SLC44A5: variants seen among roughly 807,000 people sequenced by gnomAD.
SLC44A5 encodes choline transporter-like protein 5.
In SLC44A5, 57 loss-of-function variants were observed where a neutral mutation model predicts 101.8. That is an observed-to-expected ratio of 0.56 (90% CI 0.45 to 0.70). The LOEUF is 0.70. Among genes scored for constraint, SLC44A5 ranks in the 30% least tolerant of loss-of-function variants. The probability of loss-of-function intolerance (pLI) is 0.00; values close to 1 mark genes in which losing one functional copy is unlikely to be tolerated. For missense variants in SLC44A5, 737 were observed against 853.1 expected (o/e 0.86, Z 1.70); for synonymous variants, 281 against 290.9 (o/e 0.97, Z 0.35).
In SLC44A5 at chr1:75,403,325, C is replaced by T. The variant is rs191890372; in HGVS notation, c.14-6704G>A. On this transcript the variant is annotated intron_variant, in intron 2 of 23. Transcript: ENST00000370859. ...GCTCTGAAGAGAGCAGCAAATCTCC[C>T]AGCACAGGGCTCGATCTCTGCTAAG... 1.2e-4 allele frequency among the ~76,000 whole-genome samples: 19 copies of T among 152,280 alleles called. 1 individual carries two copies. In the East Asian group the frequency reaches 3.1e-3, roughly 25 times the overall value.
the SLC44A5 span, among the ~76,000 whole-genome samples, chr1:75,632,946 T>A: frequency 6.6e-6 from 1 of 152,066 alleles, no homozygotes; most frequent in East Asian, 1.9e-4. Flanking sequence ...TATTATTTGG[T>A]GGTGCTGGTA....
At chr1:75,206,115 T>G (rs1646745297) in intron 23 of SLC44A5, 1 of 152,902 alleles carries the variant, frequency 6.5e-6, no homozygotes. Flanking sequence ...TAATACAAGT[T>G]TAATCACAGT....
At chr1:75,215,924 TAATAC>T in intron 18 of SLC44A5, 67 bp from the exon 19 acceptor site, 5 of 824,108 alleles carry the variant, frequency 6.1e-6, no homozygotes, top group Non-Finnish European at 1.0e-5. Context: ...AAAATAAATA[TAATAC>T]AACATTTAAA....
chr1:75,315,320 G>A (rs1239156966), intron 4 of SLC44A5, among the ~76,000 whole-genome samples: 1 of 152,106 alleles, frequency 6.6e-6, no homozygotes, highest in Non-Finnish European at 1.5e-5. Context: ...GTTTGCACCA[G>A]TCTATAAAGT....
At position 75,299,973 on chromosome 1, in the gene SLC44A5, G is replaced by A. The variant is rs811739; in HGVS notation, c.175+639C>T. Among the ~76,000 whole-genome samples, 14 of 138,362 alleles carry A rather than the reference G, an allele frequency of 1.0e-4. No individual in the cohort carries two copies. In the South Asian group the frequency reaches 2.2e-3, roughly 22 times the overall value. The allele number at this position is 138,362 out of a possible 152,430, so 90.8% of individuals were successfully genotyped here. On this transcript the variant is annotated intron_variant, in intron 5 of 23. Transcript: ENST00000370859. ...GGAGGTTGCAGTGAGCTGAGATTGCGCCGCTGCACTCCAGCCTGGGAACAC... is the reference window on the plus strand; with the variant it reads ...GGAGGTTGCAGTGAGCTGAGATTGCACCGCTGCACTCCAGCCTGGGAACAC...
the SLC44A5 span, chr1:75,641,904 C>T: frequency 8.7e-6 from 14 of 1,601,408 alleles, no homozygotes; most frequent in Non-Finnish European, 1.2e-5. Context: ...TCAAGAATTT[C>T]CTTCATTGGT....
the SLC44A5 span, among the ~76,000 whole-genome samples, chr1:75,716,361 C>T: frequency 6.6e-6 from 1 of 152,122 alleles, no homozygotes; most frequent in East Asian, 1.9e-4. Flanking sequence ...GTCCCAGCCA[C>T]TTGGGAGGCT....
At chr1:75,687,240 C>T in the SLC44A5 span, among the ~76,000 whole-genome samples, 4 of 152,282 alleles carry the variant, frequency 2.6e-5, no homozygotes, top group South Asian at 4.1e-4. Context: ...ATGACAGTTA[C>T]AGGAATAACC....
At chr1:75,233,030 A>G (rs1192243717) in intron 12 of SLC44A5, among the ~76,000 whole-genome samples, 1 of 152,182 alleles carries the variant, frequency 6.6e-6, no homozygotes, top group Non-Finnish European at 1.5e-5. Context: ...GAAACATCTC[A>G]AACATTCATA....
chr1:75,672,560 T>C, the SLC44A5 span, among the ~76,000 whole-genome samples: 1 of 152,162 alleles, frequency 6.6e-6, no homozygotes, highest in Non-Finnish European at 1.5e-5. Flanking sequence ...GTCCTGGTCC[T>C]GTGCTGGTCT....
chr1:75,203,599 C>A lies in SLC44A5; in HGVS notation c.*128G>T. On this transcript the variant is annotated 3_prime_UTR_variant, in exon 24 of 24. Transcript: ENST00000370859. ...AGTATAAGCTTTGGTATAAAACATG[C>A]AAATGCAAGCCAACAAGGTCGTGAA... is the stretch of plus-strand genomic sequence containing the variant. 1 of 1,153,844 alleles carries A rather than the reference C, an allele frequency of 8.7e-7. No individual in the cohort carries two copies. The highest frequency in any genetic ancestry group is 1.9e-5 in the South Asian group (1 of 53,238). 71.5% of individuals were successfully genotyped at this position (1,153,844 alleles called of 1,614,324 possible). A position where few individuals can be genotyped will look rare whatever the true frequency, so the allele number is the denominator to read the frequency against.
intron 6 of SLC44A5, among the ~76,000 whole-genome samples, chr1:75,268,189 A>AGGGTCACTCAT (rs939387120): frequency 3.3e-5 from 5 of 152,010 alleles, no homozygotes; most frequent in Non-Finnish European, 7.4e-5. Context: ...GGTGTATCAT[A>AGGGTCACTCAT]GGGTCACTCA....
intron 4 of SLC44A5, among the ~76,000 whole-genome samples, chr1:75,310,002 T>C (rs973764568): frequency 6.6e-6 from 1 of 152,198 alleles, no homozygotes; most frequent in Non-Finnish European, 1.5e-5. Flanking sequence ...AATAGGGTCA[T>C]TATTATTAGC....
intron 2 of SLC44A5, among the ~76,000 whole-genome samples, chr1:75,412,651 C>T (rs2101517711): frequency 6.6e-6 from 1 of 152,234 alleles, no homozygotes; most frequent in Non-Finnish European, 1.5e-5. Flanking sequence ...TTTCAGTTAC[C>T]TGTCATCAGC....
chr1:75,631,686 T>G, the SLC44A5 span, among the ~76,000 whole-genome samples: 2 of 150,856 alleles, frequency 1.3e-5, no homozygotes, highest in South Asian at 4.2e-4. Flanking sequence ...ACAGGCACAC[T>G]CCACTGCGCC....
At chr1:75,243,135 C>T in intron 7 of SLC44A5, 124 bp from the exon 8 acceptor site, 1 of 1,183,162 alleles carries the variant, frequency 8.5e-7, no homozygotes, top group Non-Finnish European at 1.1e-6. Context: ...ATCTAAGAAA[C>T]CTAAATCAAT....
intron 1 of SLC44A5, among the ~76,000 whole-genome samples, chr1:75,556,212 AT>A (rs1255350091): frequency 6.6e-6 from 1 of 152,072 alleles, no homozygotes; most frequent in East Asian, 1.9e-4. Flanking sequence ...GTCACATTGT[AT>A]TTTGTTCTAC....
chr1:75,684,861 T>A, the SLC44A5 span, among the ~76,000 whole-genome samples: 1 of 152,140 alleles, frequency 6.6e-6, no homozygotes, highest in Non-Finnish European at 1.5e-5. Flanking sequence ...GCTCCATCAT[T>A]AGGCAGTGCC....
chr1:75,431,197 C>A (rs1212713791), intron 2 of SLC44A5, among the ~76,000 whole-genome samples: 1 of 152,118 alleles, frequency 6.6e-6, no homozygotes, highest in African/African-American at 2.4e-5. Context: ...AAACAATGCA[C>A]TTGAATATAT....
Sources: gnomAD v4.1 joint callset for allele counts (sites outside exome capture counted in the v4.1 genomes callset) on GRCh38, gnomAD v4.1.1 for gene constraint, MANE v1.5 for transcripts, NCBI Gene and HGNC (gene_info 2026-07-23, HGNC 2026-07-21) for gene names.